The following TMTC2 variants were observed in gnomAD, a reference collection of about 807,000 sequenced individuals.
TMTC2 encodes transmembrane O-mannosyltransferase targeting cadherins 2.
TMTC2 carries 43 observed loss-of-function variants against 82.4 expected under a neutral mutation model. The ratio of observed to expected loss-of-function variants is 0.52; its 90% CI spans 0.41 to 0.67. The LOEUF (loss-of-function observed/expected upper bound fraction) is 0.67, where lower values mean the gene tolerates loss of function less well. TMTC2 is among the 30% of genes least tolerant of loss of function. The pLI is 0.00. For synonymous variants in TMTC2, 408 were observed against 381.9 expected (o/e 1.07, Z -0.80); for missense variants, 919 against 1,012.4 (o/e 0.91, Z 1.25).
rs551663267 is a variant in TMTC2 at position 83,007,690 on chromosome 12, A to G, written c.2070+21644A>G. 1.2e-4 allele frequency among the ~76,000 whole-genome samples: 19 copies of G among 152,190 alleles called. No individual in the cohort carries two copies. In the South Asian group the frequency reaches 3.7e-3, roughly 30 times the overall value. ...TAGATAAGCTCAGAAAAAGACAAAT[A>G]TTTTATTTACCTTCATTTATTCTTT... On this transcript the variant is annotated intron_variant, in intron 8 of 11. Transcript: ENST00000321196.
intron 2 of TMTC2, among the ~76,000 whole-genome samples, chr12:82,876,085 T>TGG (rs1565788842): frequency 7.6e-6 from 1 of 131,172 alleles, no homozygotes; most frequent in African/African-American, 3.5e-5. Flanking sequence ...ATGATGGTGA[T>TGG]TAGTATTCAT....
chr12:82,952,140 A>G (rs74942704), intron 4 of TMTC2, among the ~76,000 whole-genome samples: 2,095 of 152,096 alleles, frequency 0.014, 38 homozygotes, highest in African/African-American at 0.047. Flanking sequence ...ACCTGTTTCT[A>G]TTCTACTTAA....
intron 4 of TMTC2, among the ~76,000 whole-genome samples, chr12:82,938,482 A>C (rs1362655817): frequency 2.0e-5 from 3 of 152,160 alleles, no homozygotes; most frequent in Admixed American, 1.3e-4. Flanking sequence ...AGTTGATGCC[A>C]GGTAAGCCGA....
At chr12:83,065,108 A>C (rs928258092) in intron 11 of TMTC2, among the ~76,000 whole-genome samples, 2 of 151,974 alleles carry the variant, frequency 1.3e-5, no homozygotes, top group Non-Finnish European at 2.9e-5. Flanking sequence ...TGTTCATGTC[A>C]GGTCACTACT....
intron 11 of TMTC2, among the ~76,000 whole-genome samples, chr12:83,121,291 G>A (rs1408155818): frequency 6.6e-6 from 1 of 152,096 alleles, no homozygotes; most frequent in Non-Finnish European, 1.5e-5. Context: ...GCTCTATTAG[G>A]GGGAAGGTCT....
At chr12:82,748,145 C>A (rs1835889432) in intron 1 of TMTC2, among the ~76,000 whole-genome samples, 1 of 151,922 alleles carries the variant, frequency 6.6e-6, no homozygotes, top group Admixed American at 6.6e-5. Flanking sequence ...CCTGTCTTTC[C>A]TAAAAACACA....
In TMTC2 at chr12:82,764,428, A is replaced by G. The variant is rs536939066; in HGVS notation, c.83+76759A>G. 7.2e-5 allele frequency among the ~76,000 whole-genome samples: 11 copies of G among 152,168 alleles called. No individual in the cohort carries two copies. The East Asian group carries it at 2.1e-3, about 29-fold the overall frequency. On this transcript the variant is annotated intron_variant, in intron 1 of 11. Coordinates refer to ENST00000321196, the MANE Select transcript of TMTC2 (RefSeq NM_152588.3). Reference sequence around the variant, plus strand: ...GCTGGGATTACAGGTGTGAGCCACCATGCCTGGCCTATACACTTTTTTTTA... The same window carrying G: ...GCTGGGATTACAGGTGTGAGCCACCGTGCCTGGCCTATACACTTTTTTTTA...
At chr12:83,095,281 C>T (rs1883988445) in intron 11 of TMTC2, among the ~76,000 whole-genome samples, 1 of 149,766 alleles carries the variant, frequency 6.7e-6, no homozygotes, top group African/African-American at 2.5e-5. Context: ...CGCTTTGTCG[C>T]CCAGGCTGGA....
intron 9 of TMTC2, among the ~76,000 whole-genome samples, chr12:83,038,499 C>A (rs1338397720): frequency 2.0e-5 from 3 of 151,992 alleles, no homozygotes; most frequent in African/African-American, 7.2e-5. Flanking sequence ...CTTGACTTTG[C>A]TATTTGTTAC....
chr12:82,857,069 A>C lies in TMTC2; in HGVS notation c.143A>C (p.Tyr48Ser), dbSNP rs1488999774. 2 of 1,613,638 alleles carry C rather than the reference A, an allele frequency of 1.2e-6. No individual in the cohort carries two copies. Among genetic ancestry groups the C allele is most frequent in the Non-Finnish European group, 1.7e-6 (2 of 1,180,034 alleles). The change falls in exon 2 of 12, where the codon TAC becomes TCC. Residue 48 changes from tyrosine to serine, a missense_variant. Physicochemically the swap from Tyr to Ser is moderately radical, Grantham distance 144. Transcript: ENST00000321196. ...GAAACTCCATGGACGCACATTTTCT[A>C]CAATGATTTTTGGGGGACTCTTCTA... ...LPETPWTHIF[Y>S]NDFWGTLLTH...
chr12:83,016,060 C>T (rs966224158), intron 8 of TMTC2, among the ~76,000 whole-genome samples: 8 of 152,080 alleles, frequency 5.3e-5, no homozygotes, highest in Non-Finnish European at 1.0e-4. Context: ...AATTATTGTT[C>T]GCAGAAGGTG....
intron 11 of TMTC2, among the ~76,000 whole-genome samples, chr12:83,074,039 G>A (rs1883204080): frequency 6.6e-6 from 1 of 151,946 alleles, no homozygotes; most frequent in East Asian, 1.9e-4. Flanking sequence ...ATTTTTGAGG[G>A]GTGTTTAAGA....
intron 11 of TMTC2, among the ~76,000 whole-genome samples, chr12:83,091,375 A>G (rs1350601932): frequency 1.3e-5 from 2 of 152,170 alleles, no homozygotes; most frequent in Non-Finnish European, 2.9e-5. Flanking sequence ...CTCCTTTTGC[A>G]TATTTCCTTA....
intron 4 of TMTC2, among the ~76,000 whole-genome samples, chr12:82,935,387 A>G (rs1008440089): frequency 6.6e-6 from 1 of 152,140 alleles, no homozygotes; most frequent in African/African-American, 2.4e-5. Context: ...CTAAAATCTG[A>G]TATTTCATAC....
At chr12:82,865,409 A>C (rs1871794543) in intron 2 of TMTC2, among the ~76,000 whole-genome samples, 1 of 152,214 alleles carries the variant, frequency 6.6e-6, no homozygotes, top group Admixed American at 6.5e-5. Flanking sequence ...CAAAAGAGAC[A>C]AAGAAGGCCA....
intron 2 of TMTC2, among the ~76,000 whole-genome samples, chr12:82,877,432 T>A (rs1051087835): frequency 6.6e-6 from 1 of 152,156 alleles, no homozygotes; most frequent in Admixed American, 6.5e-5. Flanking sequence ...GCTTACCTCC[T>A]AAAGACCCCA....
chr12:82,844,856 G>A (rs551852187), intron 1 of TMTC2, among the ~76,000 whole-genome samples: 1 of 151,256 alleles, frequency 6.6e-6, no homozygotes, highest in Non-Finnish European at 1.5e-5. Context: ...TGAAAGCATC[G>A]AACTTCATTA....
At chr12:82,746,910 A>G (rs1223713663) in intron 1 of TMTC2, among the ~76,000 whole-genome samples, 4 of 152,242 alleles carry the variant, frequency 2.6e-5, no homozygotes, top group Non-Finnish European at 4.4e-5. Flanking sequence ...TAAGGAAATA[A>G]GGACATCAGT....
intron 11 of TMTC2, among the ~76,000 whole-genome samples, chr12:83,119,384 T>C (rs1239434644): frequency 6.6e-6 from 1 of 152,220 alleles, no homozygotes; most frequent in Non-Finnish European, 1.5e-5. Flanking sequence ...AATTTTTATC[T>C]TTATTTCATT....
Sources: gnomAD v4.1 joint callset for allele counts (sites outside exome capture counted in the v4.1 genomes callset) on GRCh38, gnomAD v4.1.1 for gene constraint, MANE v1.5 for transcripts, NCBI Gene and HGNC (gene_info 2026-07-23, HGNC 2026-07-21) for gene names.